Variants in AFG2A observed in about 807,000 individuals in gnomAD.
The protein encoded by AFG2A is AAA ATPase AFG2A.
At chr4:123,278,138 A>G in the AFG2A span, among the ~76,000 whole-genome samples, 110,553 of 151,908 alleles carry the variant, frequency 0.73, 41,303 homozygotes, top group Non-Finnish European at 0.81. Context: ...CTTCAGTTTT[A>G]GAACTTGTTA....
chr4:123,072,036 G>A, the AFG2A span, among the ~76,000 whole-genome samples: 1 of 152,114 alleles, frequency 6.6e-6, no homozygotes, highest in Non-Finnish European at 1.5e-5. Flanking sequence ...GGTGTATTTG[G>A]CTTACAAAAT....
the AFG2A span, among the ~76,000 whole-genome samples, chr4:123,233,971 A>G: frequency 1.3e-5 from 2 of 152,214 alleles, no homozygotes; most frequent in African/African-American, 2.4e-5. Context: ...ATTTTGTTAC[A>G]TATAATTATT....
chr4:123,068,348 G>A, the AFG2A span, among the ~76,000 whole-genome samples: 7 of 152,122 alleles, frequency 4.6e-5, no homozygotes, highest in Non-Finnish European at 7.3e-5. Context: ...AGCAAAGGCC[G>A]TATGGGTAAT....
chr4:123,199,285 A>G, the AFG2A span, among the ~76,000 whole-genome samples: 3 of 152,296 alleles, frequency 2.0e-5, no homozygotes, highest in Admixed American at 1.3e-4. Flanking sequence ...AATATAAAAT[A>G]ATGTTAATTA....
the AFG2A span, among the ~76,000 whole-genome samples, chr4:123,175,940 G>A: frequency 6.6e-6 from 1 of 152,180 alleles, no homozygotes; most frequent in Non-Finnish European, 1.5e-5. Flanking sequence ...AACTGGGGGT[G>A]TCTTAGCAAG....
At chr4:123,274,609 C>A in the AFG2A span, among the ~76,000 whole-genome samples, 2 of 149,870 alleles carry the variant, frequency 1.3e-5, no homozygotes, top group Non-Finnish European at 3.0e-5. Context: ...AAAAAAAAAA[C>A]CTATCATATC....
At chr4:123,192,597 A>G in the AFG2A span, among the ~76,000 whole-genome samples, 5 of 152,242 alleles carry the variant, frequency 3.3e-5, no homozygotes, top group African/African-American at 1.2e-4. Context: ...TGACTACTCT[A>G]TCGAATAATG....
chr4:123,307,979 A>G, the AFG2A span, among the ~76,000 whole-genome samples: 1 of 152,188 alleles, frequency 6.6e-6, no homozygotes, highest in African/African-American at 2.4e-5. Flanking sequence ...CTAACAATGC[A>G]CTTCTCAGAA....
the AFG2A span, among the ~76,000 whole-genome samples, chr4:123,230,797 G>T: frequency 6.6e-6 from 1 of 151,964 alleles, no homozygotes; most frequent in Non-Finnish European, 1.5e-5. Context: ...GTTGCAGAAT[G>T]GATGTTGTGT....
the AFG2A span, among the ~76,000 whole-genome samples, chr4:123,304,647 C>T: frequency 6.6e-6 from 1 of 152,206 alleles, no homozygotes; most frequent in Admixed American, 6.5e-5. Context: ...TGAAGCACTG[C>T]AGCCCATTTC....
chr4:123,169,448 A>G, the AFG2A span, among the ~76,000 whole-genome samples: 1 of 152,154 alleles, frequency 6.6e-6, no homozygotes, highest in African/African-American at 2.4e-5. Flanking sequence ...AAAGAGATAG[A>G]GCCTGGCTAT....
chr4:123,074,822 C>A, the AFG2A span, among the ~76,000 whole-genome samples: 1 of 152,100 alleles, frequency 6.6e-6, no homozygotes, highest in Non-Finnish European at 1.5e-5. Flanking sequence ...CTCTAGAAAG[C>A]CTTTTTCAAA....
the AFG2A span, among the ~76,000 whole-genome samples, chr4:123,263,662 A>G: frequency 6.6e-6 from 1 of 152,212 alleles, no homozygotes; most frequent in East Asian, 1.9e-4. Context: ...ACAGTGCAAT[A>G]CCACTTTATT....
At chr4:123,059,511 C>T in the AFG2A span, among the ~76,000 whole-genome samples, 1 of 151,938 alleles carries the variant, frequency 6.6e-6, no homozygotes, top group Non-Finnish European at 1.5e-5. Flanking sequence ...GCATAGTATT[C>T]CATGGTGTAT....
chr4:123,000,043 G>A, the AFG2A span, among the ~76,000 whole-genome samples: 1 of 151,278 alleles, frequency 6.6e-6, no homozygotes, highest in Non-Finnish European at 1.5e-5. Context: ...TGGATTCCTA[G>A]GTATTTTATT....
At chr4:123,055,736 A>G in the AFG2A span, among the ~76,000 whole-genome samples, 1 of 152,122 alleles carries the variant, frequency 6.6e-6, no homozygotes, top group Non-Finnish European at 1.5e-5. Flanking sequence ...GGAGAGAGAG[A>G]CACACACACA....
At chr4:123,120,700 TG>T in the AFG2A span, among the ~76,000 whole-genome samples, 1 of 152,182 alleles carries the variant, frequency 6.6e-6, no homozygotes, top group Non-Finnish European at 1.5e-5. Flanking sequence ...ATAACCATTA[TG>T]ATGTGGTAGC....
chr4:122,939,703 C>G, the AFG2A span, among the ~76,000 whole-genome samples: 1 of 151,704 alleles, frequency 6.6e-6, no homozygotes, highest in African/African-American at 2.4e-5. Flanking sequence ...CATATGTATA[C>G]ATGTGCCATG....
the AFG2A span, among the ~76,000 whole-genome samples, chr4:123,291,193 A>G: frequency 6.6e-6 from 1 of 152,158 alleles, no homozygotes; most frequent in Admixed American, 6.6e-5. Flanking sequence ...CCTTGAGTCT[A>G]TAAGAATCTT....
Sources: allele counts gnomAD v4.1 joint callset (sites outside exome capture counted in the v4.1 genomes callset), GRCh38; gene constraint gnomAD v4.1.1; transcripts MANE v1.5; gene names NCBI Gene and HGNC (gene_info 2026-07-23, HGNC 2026-07-21).